Variants in FILIP1 observed in about 807,000 individuals in gnomAD.
FILIP1 encodes filamin A interacting protein 1.
FILIP1 carries 61 observed loss-of-function variants against 102.1 expected under a neutral mutation model. The observed-to-expected ratio is 0.60, with a 90% CI of 0.49 to 0.74. The LOEUF is 0.74. Among genes scored for constraint, FILIP1 ranks in the 30% least tolerant of loss-of-function variants. FILIP1 has a pLI of 0.00. For missense variants in FILIP1, 1,314 were observed against 1,441.2 expected (o/e 0.91, Z 1.43); for synonymous variants, 491 against 526.9 (o/e 0.93, Z 0.93).
chr6:75,410,269 C>G (rs1017126638), intron 2 of FILIP1, among the ~76,000 whole-genome samples: 4 of 152,150 alleles, frequency 2.6e-5, no homozygotes, highest in Non-Finnish European at 4.4e-5. Flanking sequence ...TAGGTCTAAG[C>G]TGAGAGTAAC....
chr6:75,367,707 A>G (rs1775385088), intron 2 of FILIP1: 1 of 152,216 alleles, frequency 6.6e-6, no homozygotes, highest in African/African-American at 2.4e-5. Context: ...TCTAATCAAT[A>G]TATTAATGAA....
At chr6:75,482,933 C>T (rs528024624) in intron 1 of FILIP1, among the ~76,000 whole-genome samples, 13 of 152,046 alleles carry the variant, frequency 8.6e-5, no homozygotes, top group Admixed American at 3.9e-4. Context: ...CAAGTCATAA[C>T]GGAATTTATT....
intron 1 of FILIP1, among the ~76,000 whole-genome samples, chr6:75,444,515 A>G (rs1778377745): frequency 6.6e-6 from 1 of 151,702 alleles, no homozygotes; most frequent in Non-Finnish European, 1.5e-5. Context: ...ATTGTGTAAA[A>G]TAACTCATTT....
At chr6:75,322,379 A>T (rs1773693472) in intron 4 of FILIP1, among the ~76,000 whole-genome samples, 4 of 152,114 alleles carry the variant, frequency 2.6e-5, no homozygotes, top group Admixed American at 2.6e-4. Flanking sequence ...CCTCCTCTCC[A>T]TTCTCTTCTC....
intron 1 of FILIP1, among the ~76,000 whole-genome samples, chr6:75,416,683 A>C (rs957355998): frequency 2.0e-5 from 3 of 152,090 alleles, no homozygotes; most frequent in African/African-American, 7.2e-5. Flanking sequence ...TCCCTAACTG[A>C]ATTGTGATTC....
chr6:75,483,351 TA>T (rs1779698272), intron 1 of FILIP1, among the ~76,000 whole-genome samples: 1 of 151,926 alleles, frequency 6.6e-6, no homozygotes, highest in Non-Finnish European at 1.5e-5. Context: ...TGAGAGAAGA[TA>T]GGGGGAGGTA....
At chr6:75,323,764 A>G (rs1773739046) in intron 4 of FILIP1, among the ~76,000 whole-genome samples, 1 of 152,204 alleles carries the variant, frequency 6.6e-6, no homozygotes, top group Admixed American at 6.5e-5. Flanking sequence ...GTCCCCACCC[A>G]AATCTCATCT....
chr6:75,413,730 T>G (rs1185556631), intron 2 of FILIP1, among the ~76,000 whole-genome samples: 1 of 146,624 alleles, frequency 6.8e-6, no homozygotes, highest in African/African-American at 2.5e-5. Flanking sequence ...GCTAAGAAAC[T>G]AATAAAAACA....
intron 2 of FILIP1, among the ~76,000 whole-genome samples, chr6:75,389,588 G>C (rs760618652): frequency 6.6e-6 from 1 of 151,998 alleles, no homozygotes; most frequent in Non-Finnish European, 1.5e-5. Flanking sequence ...ACTTCTTCCT[G>C]GTTTAGTATT....
chr6:75,314,381 T>G lies in FILIP1; in HGVS notation c.1451A>C (p.Glu484Ala). Residue 484 changes from glutamate (E) to alanine (A), a missense_variant, in exon 5 of 6, where the codon GAA (glutamate) becomes GCA (alanine). Coordinates refer to ENST00000237172, the MANE Select transcript of FILIP1 (RefSeq NM_015687.5). ...KSRVKELECS[E>A]SRLEKAELSL... The stretch of plus-strand genomic sequence containing the variant: ...TAATTCAGCCTTTTCCAATCTACTT[T>G]CAGAACATTCCAATTCTTTAACTCG... 3.3e-6 allele frequency: 5 copies of G among 1,527,624 alleles called. No individual in the cohort carries two copies. Among genetic ancestry groups the G allele is most frequent in the Non-Finnish European group, 3.5e-6 (4 of 1,146,056 alleles). 94.6% of individuals were successfully genotyped at this position (1,527,624 alleles called of 1,614,324 possible).
chr6:75,345,984 A>C (rs1449673108), intron 4 of FILIP1, among the ~76,000 whole-genome samples: 1 of 152,186 alleles, frequency 6.6e-6, no homozygotes, highest in Non-Finnish European at 1.5e-5. Context: ...CTAATTAACT[A>C]AAATTCTCAG....
chr6:75,397,450 T>C (rs1432084792), intron 2 of FILIP1, among the ~76,000 whole-genome samples: 1 of 151,434 alleles, frequency 6.6e-6, no homozygotes, highest in Non-Finnish European at 1.5e-5. Context: ...ATCTTACACA[T>C]TGTTTTCAGG....
intron 4 of FILIP1, among the ~76,000 whole-genome samples, chr6:75,334,144 C>T (rs1774166312): frequency 6.6e-6 from 1 of 152,142 alleles, no homozygotes; most frequent in African/African-American, 2.4e-5. Context: ...AGAAATCATA[C>T]ACTAGAAGAT....
chr6:75,341,157 G>GT (rs59686323), intron 4 of FILIP1, among the ~76,000 whole-genome samples: 336 of 144,158 alleles, frequency 2.3e-3, no homozygotes, highest in Middle Eastern at 7.0e-3. Flanking sequence ...TTTTTGTTTT[G>GT]TTTTTTTTTT....
chr6:75,296,339 CTTTGTG>C (rs1157499724), intron 6 of FILIP1, among the ~76,000 whole-genome samples: 6 of 101,820 alleles, frequency 5.9e-5, no homozygotes, highest in East Asian at 3.0e-4. Flanking sequence ...TCTTCAATTT[CTTTGTG>C]TGTGTGTGTG....
intron 4 of FILIP1, chr6:75,319,899 G>C: frequency 2.2e-6 from 1 of 462,604 alleles, no homozygotes; most frequent in South Asian, 2.4e-5. Flanking sequence ...TTCTTCTTAT[G>C]CTCCTCCTCC....
At chr6:75,450,390 G>A (rs532625723) in intron 1 of FILIP1, among the ~76,000 whole-genome samples, 157 of 152,164 alleles carry the variant, frequency 1.0e-3, no homozygotes, top group Non-Finnish European at 1.5e-3. Context: ...GTCTCGCACC[G>A]GTAATTAACA....
intron 1 of FILIP1, among the ~76,000 whole-genome samples, chr6:75,436,586 G>A (rs1778030792): frequency 6.6e-6 from 1 of 152,142 alleles, no homozygotes; most frequent in African/African-American, 2.4e-5. Context: ...ATACGGTGGA[G>A]CTTTACAGAG....
intron 1 of FILIP1, among the ~76,000 whole-genome samples, chr6:75,453,271 C>A (rs920142328): frequency 6.6e-6 from 1 of 152,268 alleles, no homozygotes; most frequent in East Asian, 1.9e-4. Context: ...AACTTCTATG[C>A]CCCTAGAAAA....
Sources: gnomAD v4.1 joint callset for allele counts (sites outside exome capture counted in the v4.1 genomes callset) on GRCh38, gnomAD v4.1.1 for gene constraint, MANE v1.5 for transcripts, NCBI Gene and HGNC (gene_info 2026-07-23, HGNC 2026-07-21) for gene names.